TNFRSF11A: variants seen among roughly 807,000 people sequenced by gnomAD.
TNFRSF11A encodes the protein tumor necrosis factor receptor superfamily member 11A.
TNFRSF11A carries 32 observed loss-of-function variants against 55.7 expected under a neutral mutation model. That is an observed-to-expected ratio of 0.57 (90% confidence interval 0.43 to 0.77). The LOEUF (loss-of-function observed/expected upper bound fraction) is 0.77, where lower values mean the gene tolerates loss of function less well. TNFRSF11A is among the 30% of genes least tolerant of loss of function. The pLI, the probability that TNFRSF11A is intolerant of heterozygous loss-of-function variation, is 0.00. For synonymous variants in TNFRSF11A, 311 were observed against 331.0 expected (o/e 0.94, Z 0.65); for missense variants, 753 against 809.8 (o/e 0.93, Z 0.85).
At chr18:62,360,093 G>A in intron 6 of TNFRSF11A, 44 bp downstream of exon 6, 3 of 1,566,390 alleles carry the variant, frequency 1.9e-6, no homozygotes, top group Non-Finnish European at 2.6e-6. Context: ...GTGCCCCAGG[G>A]TGGTCAGCTG....
chr18:62,330,683 A>T (rs1420850429), intron 1 of TNFRSF11A: 1 of 152,646 alleles, frequency 6.6e-6, no homozygotes, highest in Non-Finnish European at 1.5e-5. Flanking sequence ...GAATCAGGTC[A>T]GGGCAGTGGC....
At chr18:62,356,917 T>G (rs993640627) in intron 4 of TNFRSF11A, among the ~76,000 whole-genome samples, 5 of 152,190 alleles carry the variant, frequency 3.3e-5, no homozygotes, top group Admixed American at 1.3e-4. Flanking sequence ...GCTATGGAAA[T>G]TAACACCCTT....
chr18:62,329,295 A>G (rs1038339713), intron 1 of TNFRSF11A, among the ~76,000 whole-genome samples: 2 of 152,156 alleles, frequency 1.3e-5, no homozygotes, highest in East Asian at 3.9e-4. Context: ...CCCCCTGGCC[A>G]GGTGGCCCAT....
At chr18:62,365,508 T>C (rs1910016033) in intron 7 of TNFRSF11A, among the ~76,000 whole-genome samples, 2 of 152,206 alleles carry the variant, frequency 1.3e-5, no homozygotes, top group Non-Finnish European at 2.9e-5. Context: ...GTCTGACACC[T>C]AGCTTGCTGT....
chr18:62,366,821 C>A, intron 8 of TNFRSF11A, 61 bp downstream of exon 8: 2 of 1,524,744 alleles, frequency 1.3e-6, no homozygotes, highest in Non-Finnish European at 1.8e-6. Flanking sequence ...CTGGTAGAGC[C>A]ATCCTAGTCA....
rs569399644 is a variant in TNFRSF11A, at chr18:62,388,637, T to G, written c.*3603T>G. 2.0e-5 allele frequency: 3 copies of G among 152,354 alleles called. No homozygotes were observed. The South Asian group carries it at 6.2e-4, about 32-fold the overall frequency. 9.4% of individuals were successfully genotyped at this position (152,354 alleles called of 1,614,324 possible). A position where few individuals can be genotyped will look rare whatever the true frequency, so the allele number is the denominator to read the frequency against. On this transcript the variant is annotated 3_prime_UTR_variant, in exon 10 of 10. Transcript: ENST00000586569. ...TCCTTCTCTGGTGATTGAATTCCCT[T>G]AATGCACAGCACTATAGATTCCCAC...
chr18:62,369,175 A>T lies in TNFRSF11A; in HGVS notation c.1258A>T (p.Asn420Tyr). 1 of 1,614,104 alleles carries T rather than the reference A, an allele frequency of 6.2e-7. No individual in the cohort carries two copies. Among genetic ancestry groups the T allele is most frequent in the South Asian group, 1.1e-5 (1 of 91,092 alleles). ...TGATTGGACTCCCATGTCCTCTGAA[A>T]ACTACTTGCAAAAAGAGGTGGACAG... ...RTDWTPMSSE[N>Y]YLQKEVDSGH... Residue 420 changes from asparagine (N) to tyrosine (Y), a missense_variant, in exon 9 of 10, where the codon AAC becomes TAC. Asn to Tyr is a moderately radical substitution (Grantham distance 143, BLOSUM62 -2). This residue lies in a region of TNFRSF11A where 567 missense variants were observed against 596.7 expected (regional missense o/e 0.95). Coordinates refer to ENST00000586569, the MANE Select transcript of TNFRSF11A (RefSeq NM_003839.4).
At chr18:62,359,408 C>G (rs1381281040) in intron 5 of TNFRSF11A, among the ~76,000 whole-genome samples, 3 of 151,896 alleles carry the variant, frequency 2.0e-5, no homozygotes, top group Admixed American at 2.0e-4. Flanking sequence ...GAGACATGAT[C>G]TCGCTCTGTT....
In TNFRSF11A at chr18:62,384,815, C is replaced by T. The variant is rs766202312; in HGVS notation, c.1632C>T (p.Gly544=). Residue 544 remains glycine (G), a synonymous_variant, in exon 10 of 10, where the codon GGC becomes GGT. Transcript: ENST00000586569. ...GCGGGCAGGTGATGAACTTCAAGGG[C>T]GACATCATCGTGGTCTACGTCAGCC... ...ISSGQVMNFK[G]DIIVVYVSQT... is the part of the protein sequence containing the mutation. 1 of 1,612,450 alleles carries T rather than the reference C, an allele frequency of 6.2e-7. No homozygotes were observed. The highest frequency in any genetic ancestry group is 8.5e-7 in the Non-Finnish European group (1 of 1,179,410).
intron 1 of TNFRSF11A, among the ~76,000 whole-genome samples, chr18:62,327,844 C>T (rs539895376): frequency 3.3e-5 from 5 of 152,256 alleles, no homozygotes; most frequent in African/African-American, 1.2e-4. Context: ...ATATCTCTGC[C>T]TGCTTGTATT....
chr18:62,349,456 C>T (rs2145293347), intron 2 of TNFRSF11A, among the ~76,000 whole-genome samples: 1 of 152,334 alleles, frequency 6.6e-6, no homozygotes, highest in African/African-American at 2.4e-5. Flanking sequence ...GCTGGGATTA[C>T]AGGTGTGAGC....
Position 62,354,378 on chromosome 18 carries a change from T to C in TNFRSF11A, c.284-13T>C. The C allele has an allele frequency of 1.9e-6, 3 of 1,566,308 alleles. No individual in the cohort carries two copies. Among genetic ancestry groups the C allele is most frequent in the Non-Finnish European group, 2.6e-6 (3 of 1,160,714 alleles). ...CCCTCCCTGGCCACTGACCTGTCTC[T>C]TGTCTCCCGCAGGCAAGGCCCTGGT... On this transcript the variant is annotated splice_polypyrimidine_tract_variant and intron_variant, in intron 3 of 9. Transcript: ENST00000586569.
chr18:62,374,338 C>T (rs1910749897), intron 9 of TNFRSF11A, among the ~76,000 whole-genome samples: 1 of 152,196 alleles, frequency 6.6e-6, no homozygotes, highest in Non-Finnish European at 1.5e-5. Flanking sequence ...TGTTTCCCTT[C>T]CCTTACCATC....
At chr18:62,332,056 A>T (rs184711655) in intron 1 of TNFRSF11A, among the ~76,000 whole-genome samples, 40 of 152,326 alleles carry the variant, frequency 2.6e-4, no homozygotes, top group Admixed American at 2.6e-3. Context: ...TCCTCAAGCT[A>T]TCAGAAATTT....
intron 9 of TNFRSF11A, among the ~76,000 whole-genome samples, chr18:62,381,353 A>G (rs1290623207): frequency 6.6e-6 from 1 of 152,258 alleles, no homozygotes; most frequent in Non-Finnish European, 1.5e-5. Context: ...GACTCATCAG[A>G]GGTTCTCACA....
intron 8 of TNFRSF11A, chr18:62,367,372 T>C (rs1272672832): frequency 1.3e-5 from 2 of 156,280 alleles, no homozygotes; most frequent in Non-Finnish European, 2.8e-5. Context: ...ACTGCAACTT[T>C]CCTTGACTCT....
At chr18:62,342,085 CCTTA>C (rs1251049800) in intron 1 of TNFRSF11A, among the ~76,000 whole-genome samples, 2 of 151,570 alleles carry the variant, frequency 1.3e-5, no homozygotes, top group African/African-American at 4.8e-5. Context: ...TTCTCCTGGC[CCTTA>C]CTTCTGCTTT....
intron 7 of TNFRSF11A, 98 bp from the exon 8 acceptor site, chr18:62,366,610 A>G: frequency 1.6e-6 from 2 of 1,285,656 alleles, no homozygotes; most frequent in Non-Finnish European, 2.3e-6. Context: ...GTCCTATAAC[A>G]TGTTGTATAC....
chr18:62,361,452 T>C (rs945270427), intron 6 of TNFRSF11A, among the ~76,000 whole-genome samples: 10 of 152,106 alleles, frequency 6.6e-5, no homozygotes, highest in Non-Finnish European at 1.3e-4. Context: ...CCCTGGCTGC[T>C]CTCCCGTAGA....
Sources: allele counts gnomAD v4.1 joint callset (sites outside exome capture counted in the v4.1 genomes callset), GRCh38; gene constraint gnomAD v4.1.1; regional missense constraint gnomAD v4.1.1; transcripts MANE v1.5; gene names NCBI Gene and HGNC (gene_info 2026-07-23, HGNC 2026-07-21).